Variants in PSMA1 observed in about 807,000 individuals in gnomAD.
The protein encoded by PSMA1 is proteasome subunit alpha type-1.
PSMA1 carries 3 observed loss-of-function variants against 38.4 expected under a neutral mutation model. The ratio of observed to expected loss-of-function variants is 0.08; its 90% CI spans 0.04 to 0.20. The LOEUF (loss-of-function observed/expected upper bound fraction) is 0.20. PSMA1 is among the 10% of genes least tolerant of loss of function. The pLI, the probability that PSMA1 is intolerant of heterozygous loss-of-function variation, is 1.00. For synonymous variants in PSMA1, 101 were observed against 107.1 expected (o/e 0.94, Z 0.35); for missense variants, 227 against 325.3 (o/e 0.70, Z 2.32).
At chr11:14,550,486 G>A (rs1304845835) in intron 2 of PSMA1, among the ~76,000 whole-genome samples, 1 of 152,074 alleles carries the variant, frequency 6.6e-6, no homozygotes, top group African/African-American at 2.4e-5. Flanking sequence ...CACTCATAAA[G>A]CCAGTTGCCT....
In PSMA1 at chr11:14,534,787, C is replaced by G. The variant is rs921222291; in HGVS notation, c.22-15746G>C. On this transcript the variant is annotated intron_variant, in intron 2 of 10. Transcript: ENST00000418988. This position sits in a 1 kb window ranked among gnomAD's most constrained non-coding sequence, Gnocchi z 4.5. ...TAAAAAAATTAAAAAAACAAACAAA[C>G]CTGCTTATAGGAGGCCAGGTGCGGT... Among the ~76,000 whole-genome samples the G allele has an allele frequency of 1.3e-5, 2 of 152,080 alleles. No homozygotes were observed. The highest frequency in any genetic ancestry group is 2.9e-5 in the Non-Finnish European group (2 of 68,018).
At chr11:14,520,028 C>T in intron 1 of PSMA1, 1 of 582,250 alleles carries the variant, frequency 1.7e-6, no homozygotes, top group Admixed American at 3.0e-5. Context: ...ACTGAAGGAA[C>T]CTGAGGGGCG....
intron 9 of PSMA1, among the ~76,000 whole-genome samples, chr11:14,506,627 T>C (rs1851249036): frequency 6.6e-6 from 1 of 152,230 alleles, no homozygotes; most frequent in African/African-American, 2.4e-5. Context: ...TTTCTCTTTA[T>C]GAAGAGCCAT....
At chr11:14,578,532 C>T (rs1184501333) in intron 2 of PSMA1, among the ~76,000 whole-genome samples, 6 of 152,172 alleles carry the variant, frequency 3.9e-5, no homozygotes, top group African/African-American at 7.2e-5. Context: ...TAGCTCAGGG[C>T]AGCAGTTTGC....
chr11:14,580,926 T>C (rs1322692922), intron 2 of PSMA1, among the ~76,000 whole-genome samples: 1 of 152,136 alleles, frequency 6.6e-6, no homozygotes, highest in East Asian at 1.9e-4. Context: ...GTGTTGGGAT[T>C]CCCCTTAATA....
intron 2 of PSMA1, among the ~76,000 whole-genome samples, chr11:14,535,429 T>G (rs1347889199): frequency 6.6e-6 from 1 of 151,750 alleles, no homozygotes; most frequent in Non-Finnish European, 1.5e-5. Flanking sequence ...TGGGAAAATT[T>G]CTTTTTCTTT....
intron 2 of PSMA1, among the ~76,000 whole-genome samples, chr11:14,562,326 C>A (rs1055645375): frequency 6.6e-6 from 1 of 152,122 alleles, no homozygotes; most frequent in African/African-American, 2.4e-5. Context: ...CTTTTTTTCC[C>A]CCTTGTACAT....
At chr11:14,575,444 G>A (rs1852201629) in intron 2 of PSMA1, among the ~76,000 whole-genome samples, 1 of 149,780 alleles carries the variant, frequency 6.7e-6, no homozygotes, top group Non-Finnish European at 1.5e-5. Flanking sequence ...AGTGTGTGAT[G>A]TTCCCCACCC....
intron 2 of PSMA1, among the ~76,000 whole-genome samples, 171 bp from the exon 3 acceptor site, chr11:14,518,152 G>C (rs953399553): frequency 2.7e-5 from 4 of 150,758 alleles, no homozygotes; most frequent in African/African-American, 9.8e-5. Flanking sequence ...CCAGGCTGGA[G>C]TGCAGTGGCA....
chr11:14,514,433 C>G lies in PSMA1; in HGVS notation c.313G>C (p.Val105Leu). The change falls in exon 5 of 10, where the codon GTG becomes CTG. Residue 105 changes from valine (V) to leucine (L), a missense_variant. Coordinates refer to ENST00000396394, the MANE Select transcript of PSMA1 (RefSeq NM_002786.4). ...SRFVFDRPLP[V>L]SRLVSLIGSK... ...CCAATTAGAGATACAAGACGAGACA[C>G]AGGCAGTGGTCTATCGAATACAAAT... The G allele has an allele frequency of 1.2e-6, 2 of 1,608,226 alleles. No individual in the cohort carries two copies. Among genetic ancestry groups the G allele is most frequent in the South Asian group, 2.2e-5 (2 of 90,250 alleles).
In PSMA1 at chr11:14,513,610, A is replaced by G; in HGVS notation, c.504T>C (p.Ala168=). ...ACATATGTCTCTCCAAGTAAGTACG[A>G]GCTGATTGGGAACGGGCTCCAATGG... is the stretch of plus-strand genomic sequence containing the variant. The part of the protein sequence containing the change: ...AMSIGARSQS[A]RTYLERHMSE... The change falls in exon 7 of 10, where the codon GCT becomes GCC. Residue 168 remains alanine, a synonymous_variant. Coordinates refer to ENST00000396394, the MANE Select transcript of PSMA1 (RefSeq NM_002786.4). 6.3e-7 allele frequency: 1 copy of G among 1,588,108 alleles called. No homozygotes were observed. The highest frequency in any genetic ancestry group is 8.5e-7 in the Non-Finnish European group (1 of 1,172,412).
chr11:14,520,996 C>T (rs16930264), upstream of PSMA1, among the ~76,000 whole-genome samples: 2,661 of 152,302 alleles, frequency 0.017, 78 homozygotes, highest in African/African-American at 0.061. Context: ...AGACTTTGAA[C>T]TCCATGAGGG....
intron 2 of PSMA1, among the ~76,000 whole-genome samples, chr11:14,609,183 A>G (rs1271460086): frequency 6.6e-6 from 1 of 152,236 alleles, no homozygotes; most frequent in Admixed American, 6.5e-5. Context: ...GCTAATCCCT[A>G]GATTGTAATG....
chr11:14,524,974 G>A (rs1344470699), upstream of PSMA1, among the ~76,000 whole-genome samples: 1 of 152,078 alleles, frequency 6.6e-6, no homozygotes, highest in Non-Finnish European at 1.5e-5. Flanking sequence ...AATCTTCTCG[G>A]AAGCCTCCTG....
At chr11:14,540,371 C>A (rs1383830388) in intron 2 of PSMA1, among the ~76,000 whole-genome samples, 1 of 152,200 alleles carries the variant, frequency 6.6e-6, no homozygotes, top group Non-Finnish European at 1.5e-5. Flanking sequence ...GTGAACTAGA[C>A]AGGCTTTTAG....
intron 2 of PSMA1, among the ~76,000 whole-genome samples, chr11:14,549,700 CAAAAA>C (rs369153742): frequency 2.7e-5 from 2 of 74,462 alleles, no homozygotes; most frequent in Non-Finnish European, 2.9e-5. Flanking sequence ...GACTCCATCT[CAAAAA>C]AAAAAAAAAA....
chr11:14,578,808 T>C (rs527832396), intron 2 of PSMA1, among the ~76,000 whole-genome samples: 2 of 152,302 alleles, frequency 1.3e-5, no homozygotes, highest in East Asian at 1.9e-4. Flanking sequence ...GGCCCAGACA[T>C]TGCATGTTAA....
intron 2 of PSMA1, among the ~76,000 whole-genome samples, chr11:14,591,245 T>C (rs1433137519): frequency 6.6e-6 from 1 of 152,200 alleles, no homozygotes; most frequent in Non-Finnish European, 1.5e-5. Context: ...CCCCCAGCAG[T>C]GCCAGCCCAC....
At position 14,528,983 on chromosome 11, in the gene PSMA1, C is replaced by T. The variant is rs557307460; in HGVS notation, c.22-9942G>A. Among the ~76,000 whole-genome samples the T allele has an allele frequency of 2.2e-4, 34 of 152,178 alleles. No individual in the cohort carries two copies. In the South Asian group the frequency reaches 3.7e-3, roughly 17 times the overall value. On this transcript the variant is annotated intron_variant, in intron 2 of 10. Transcript: ENST00000418988. Reference sequence around the variant, plus strand: ...TGACTCTCTTTTCGGACTCAGCCCGCCTGCACCCAGGTGAAATAAACAGCC... The same window carrying T: ...TGACTCTCTTTTCGGACTCAGCCCGTCTGCACCCAGGTGAAATAAACAGCC...
Sources: allele counts gnomAD v4.1 joint callset (sites outside exome capture counted in the v4.1 genomes callset), GRCh38; gene constraint gnomAD v4.1.1; non-coding constraint Gnocchi (gnomAD v3.1); transcripts MANE v1.5; gene names NCBI Gene and HGNC (gene_info 2026-07-23, HGNC 2026-07-21).